Variants in TMEM116 observed in about 807,000 individuals in gnomAD.
TMEM116 encodes the protein transmembrane protein 116.
A neutral mutation model predicts 44.3 loss-of-function variants in TMEM116; 38 were observed. The ratio of observed to expected loss-of-function variants is 0.86; its 90% CI spans 0.66 to 1.12. The LOEUF is 1.12. Ranked by LOEUF, TMEM116 falls within the 50% of genes most tolerant of loss-of-function variation. The pLI is 0.00. For missense variants in TMEM116, 354 were observed against 401.7 expected (o/e 0.88, Z 1.01); for synonymous variants, 132 against 144.8 (o/e 0.91, Z 0.64).
At chr12:112,007,015 G>A (rs1174528206) in intron 1 of TMEM116, among the ~76,000 whole-genome samples, 1 of 152,218 alleles carries the variant, frequency 6.6e-6, no homozygotes, top group African/African-American at 2.4e-5. Flanking sequence ...GGAGGCAGAA[G>A]GGTCTCTTGA....
At chr12:111,999,857 G>A (rs79441054) in intron 3 of TMEM116, among the ~76,000 whole-genome samples, 2,139 of 152,252 alleles carry the variant, frequency 0.014, 24 homozygotes, top group Admixed American at 0.027. Flanking sequence ...CCAAGAAATG[G>A]AACTGTAAAG....
chr12:111,931,513 G>A lies in TMEM116; in HGVS notation c.*108C>T. 9.6e-7 allele frequency: 1 copy of A among 1,042,266 alleles called. No individual in the cohort carries two copies. The highest frequency in any genetic ancestry group is 1.4e-6 in the Non-Finnish European group (1 of 699,148). 64.6% of individuals were successfully genotyped at this position (1,042,266 alleles called of 1,614,324 possible). ...TGGCACTATATTTCCTTTGAGTTCT[G>A]CAGTTTAGGGCATAGTTAGAAAAGA... On this transcript the variant is annotated 3_prime_UTR_variant, in exon 11 of 11. Transcript: ENST00000552374.
At chr12:112,012,325 C>T (rs1316854972) in intron 1 of TMEM116, 4 of 152,108 alleles carry the variant, frequency 2.6e-5, no homozygotes, top group Non-Finnish European at 5.9e-5. Flanking sequence ...CTCGCTCTGT[C>T]ACCTAGGCTG....
At chr12:112,002,206 T>C (rs1241402074) in intron 3 of TMEM116, among the ~76,000 whole-genome samples, 1 of 152,058 alleles carries the variant, frequency 6.6e-6, no homozygotes, top group Non-Finnish European at 1.5e-5. Context: ...CTCACACCTA[T>C]AATCCCAGCA....
chr12:111,939,904 G>GTT (rs1164852711), intron 5 of TMEM116, among the ~76,000 whole-genome samples: 3 of 135,684 alleles, frequency 2.2e-5, no homozygotes, highest in Admixed American at 1.8e-4. Context: ...GTGTGTGTGT[G>GTT]TGTGTGTGTG....
chr12:112,001,759 T>A (rs1469043182), intron 3 of TMEM116, among the ~76,000 whole-genome samples: 1 of 152,236 alleles, frequency 6.6e-6, no homozygotes, highest in Non-Finnish European at 1.5e-5. Context: ...ACAAGATGTT[T>A]GACTTAAAAT....
chr12:111,983,374 G>A (rs536899778), intron 4 of TMEM116, among the ~76,000 whole-genome samples: 4 of 152,036 alleles, frequency 2.6e-5, no homozygotes, highest in East Asian at 1.9e-4. Flanking sequence ...AGGCGGAGGC[G>A]GAGGTTGCAG....
intron 4 of TMEM116, among the ~76,000 whole-genome samples, chr12:111,963,609 G>C (rs2074766431): frequency 1.3e-5 from 2 of 152,026 alleles, no homozygotes; most frequent in Admixed American, 1.3e-4. Context: ...ACTCATAAGT[G>C]GGACAATGAG....
At position 111,937,200 on chromosome 12, in the gene TMEM116, T is replaced by G. The variant is rs1184500255; in HGVS notation, c.409A>C (p.Asn137His). The change falls in exon 7 of 11, where the codon AAT becomes CAT. Residue 137 changes from asparagine (N) to histidine (H), a missense_variant. Coordinates refer to ENST00000552374, the MANE Select transcript of TMEM116 (RefSeq NM_001193531.2). ...LLMTPVFCLG[N>H]TSECFQNFSQ... is the part of the protein sequence containing the mutation. ...AAGTTTTGGAAACATTCACTAGTAT[T>G]TCCCAGACAGAATACAGGTGTCATC... The G allele has an allele frequency of 1.2e-6, 2 of 1,613,950 alleles. No homozygotes were observed. The highest frequency in any genetic ancestry group is 2.2e-5 in the South Asian group (2 of 91,082).
chr12:111,995,793 G>A (rs1355982396), intron 3 of TMEM116, among the ~76,000 whole-genome samples: 2 of 152,046 alleles, frequency 1.3e-5, no homozygotes, highest in African/African-American at 4.8e-5. Context: ...CATTTTGGGA[G>A]GCCGAGGCAG....
At chr12:111,954,694 C>G (rs1214362061) in intron 4 of TMEM116, among the ~76,000 whole-genome samples, 1 of 152,216 alleles carries the variant, frequency 6.6e-6, no homozygotes, top group Non-Finnish European at 1.5e-5. Flanking sequence ...AACTTCATGT[C>G]ATTTGCAACC....
intron 6 of TMEM116, 113 bp downstream of exon 6, chr12:111,938,048 G>T: frequency 1.7e-6 from 1 of 578,870 alleles, no homozygotes; most frequent in Non-Finnish European, 2.9e-6. Flanking sequence ...GTTAGGCTCT[G>T]TGAGGACTTA....
chr12:111,983,365 G>A (rs1294889936), intron 4 of TMEM116, among the ~76,000 whole-genome samples: 3 of 151,928 alleles, frequency 2.0e-5, no homozygotes, highest in African/African-American at 7.3e-5. Context: ...GAGCCTGGGA[G>A]GCGGAGGCGG....
chr12:112,000,970 A>G (rs1229699411), intron 3 of TMEM116: 1 of 344,152 alleles, frequency 2.9e-6, no homozygotes, highest in African/African-American at 2.1e-5. Flanking sequence ...AGCAGTCAGT[A>G]CAAGGTAAAG....
chr12:111,934,278 C>A (rs2071939659), intron 8 of TMEM116: 1 of 408,380 alleles, frequency 2.4e-6, no homozygotes, highest in Non-Finnish European at 4.4e-6. Flanking sequence ...AACACATGAA[C>A]CTTACATCAA....
chr12:111,993,492 C>A, intron 3 of TMEM116: 1 of 547,492 alleles, frequency 1.8e-6, no homozygotes, highest in Non-Finnish European at 3.6e-6. Flanking sequence ...GCTGCCTCTG[C>A]CAGTGCTGAA....
chr12:111,937,313 C>A, intron 6 of TMEM116, 70 bp from the exon 7 acceptor site: 1 of 1,185,652 alleles, frequency 8.4e-7, no homozygotes, highest in South Asian at 1.3e-5. Context: ...GAAGAATATT[C>A]TCCTGCTCTT....
rs751082758 is a variant in TMEM116 at position 111,943,248 on chromosome 12, C to G, written c.315+17G>C. ...CTAGCATACTATTATTAACTATCAG[C>G]CCTGAATAAAACTTACCAGTGGAGA... On this transcript the variant is annotated intron_variant, in intron 5 of 10. Coordinates refer to ENST00000552374, the MANE Select transcript of TMEM116 (RefSeq NM_001193531.2). 2.5e-6 allele frequency: 4 copies of G among 1,586,820 alleles called. No individual in the cohort carries two copies. In the South Asian group the frequency reaches 4.4e-5, roughly 18 times the overall value.
At chr12:111,962,229 T>C (rs971252042) in intron 4 of TMEM116, among the ~76,000 whole-genome samples, 1 of 152,128 alleles carries the variant, frequency 6.6e-6, no homozygotes, top group African/African-American at 2.4e-5. Flanking sequence ...ATCATGAAAA[T>C]GGCCATACTG....
Sources: gnomAD v4.1 joint callset for allele counts (sites outside exome capture counted in the v4.1 genomes callset) on GRCh38, gnomAD v4.1.1 for gene constraint, MANE v1.5 for transcripts, NCBI Gene and HGNC (gene_info 2026-07-23, HGNC 2026-07-21) for gene names.